Variants in NTM observed in about 807,000 individuals in gnomAD.
NTM encodes neurotrimin.
NTM carries 13 observed loss-of-function variants against 42.1 expected under a neutral mutation model. That is an observed-to-expected ratio of 0.31 (90% CI 0.20 to 0.49). The LOEUF is 0.49. Ranked by LOEUF, NTM falls within the 20% of genes least tolerant of loss-of-function variation. The pLI is 0.99. For synonymous variants in NTM, 187 were observed against 179.2 expected, an observed-to-expected ratio of 1.04 and a Z score of -0.35; for missense variants, 373 against 452.8, an observed-to-expected ratio of 0.82 and a Z score of 1.60.
intron 1 of NTM, among the ~76,000 whole-genome samples, chr11:131,677,743 C>G (rs117228005): frequency 6.6e-6 from 1 of 152,226 alleles, no homozygotes; most frequent in Non-Finnish European, 1.5e-5. Flanking sequence ...AGAGAGGTTA[C>G]GCCATTTGCT....
intron 2 of NTM, among the ~76,000 whole-genome samples, chr11:132,016,414 T>A (rs2073422802): frequency 6.6e-6 from 1 of 151,992 alleles, no homozygotes; most frequent in Non-Finnish European, 1.5e-5. Context: ...TTCTGGACAC[T>A]TATATAAATA....
intron 2 of NTM, among the ~76,000 whole-genome samples, chr11:132,038,900 A>G (rs2076834197): frequency 1.3e-5 from 2 of 152,106 alleles, no homozygotes; most frequent in Non-Finnish European, 2.9e-5. Flanking sequence ...CACCTCCACA[A>G]TGCTCTACTT....
At chr11:132,097,167 T>C (rs1024873782) in intron 2 of NTM, among the ~76,000 whole-genome samples, 3 of 152,224 alleles carry the variant, frequency 2.0e-5, no homozygotes, top group Non-Finnish European at 1.5e-5. Context: ...AAGACATATG[T>C]ACCCCTTCCT....
chr11:132,222,888 G>T (rs2085456803), intron 4 of NTM, among the ~76,000 whole-genome samples: 1 of 152,156 alleles, frequency 6.6e-6, no homozygotes, highest in Admixed American at 6.5e-5. Flanking sequence ...CTGATTTGCA[G>T]CCCGGGAGGC....
chr11:131,394,303 C>T (rs1944324900), intron 1 of NTM, among the ~76,000 whole-genome samples: 1 of 152,302 alleles, frequency 6.6e-6, no homozygotes, highest in Non-Finnish European at 1.5e-5. Flanking sequence ...ATAGGTAATG[C>T]CAAGACCCAG....
At chr11:132,054,429 C>G (rs955243401) in intron 2 of NTM, among the ~76,000 whole-genome samples, 1 of 152,178 alleles carries the variant, frequency 6.6e-6, no homozygotes, top group African/African-American at 2.4e-5. Flanking sequence ...ACTGGATGGG[C>G]ACAGTGGATT....
chr11:131,952,675 C>T (rs2134376374), intron 2 of NTM, among the ~76,000 whole-genome samples: 1 of 152,194 alleles, frequency 6.6e-6, no homozygotes, highest in East Asian at 1.9e-4. Context: ...GCATTTTTTT[C>T]AACTTAAAGA....
At chr11:132,163,487 G>A (rs149165840) in intron 3 of NTM, among the ~76,000 whole-genome samples, 21 of 152,348 alleles carry the variant, frequency 1.4e-4, no homozygotes, top group Middle Eastern at 3.4e-3. Flanking sequence ...TATGCACACT[G>A]TGTCATTTAA....
chr11:131,598,719 C>CTTTG, intron 1 of NTM, among the ~76,000 whole-genome samples: 1 of 89,704 alleles, frequency 1.1e-5, no homozygotes, highest in African/African-American at 4.0e-5. Flanking sequence ...TTCTTTCTTT[C>CTTTG]TTTCTTTCTT....
chr11:132,172,808 C>T (rs1043775519), intron 3 of NTM, among the ~76,000 whole-genome samples: 3 of 152,114 alleles, frequency 2.0e-5, no homozygotes, highest in African/African-American at 4.8e-5. Flanking sequence ...ATCATTTGTG[C>T]TGGAAAAAGC....
At chr11:131,991,301 G>A (rs1939379) in intron 2 of NTM, among the ~76,000 whole-genome samples, 35,142 of 152,046 alleles carry the variant, frequency 0.23, 4,268 homozygotes, top group Admixed American at 0.27. Flanking sequence ...GAGAACAGCA[G>A]TTCCACAATA....
chr11:132,069,612 A>G (rs35430240), intron 2 of NTM, among the ~76,000 whole-genome samples: 12,456 of 138,828 alleles, frequency 0.09, 39 homozygotes, highest in South Asian at 0.14. Flanking sequence ...AAGTTAACAC[A>G]TCACACTGAC....
chr11:132,108,771 G>T (rs1015169884), intron 2 of NTM, among the ~76,000 whole-genome samples: 6 of 152,020 alleles, frequency 3.9e-5, no homozygotes, highest in Non-Finnish European at 8.8e-5. Flanking sequence ...TTTTTACATA[G>T]GTATACATGT....
intron 1 of NTM, among the ~76,000 whole-genome samples, chr11:131,605,445 C>T (rs1178443835): frequency 2.0e-5 from 3 of 152,134 alleles, no homozygotes; most frequent in Admixed American, 6.5e-5. Flanking sequence ...AGTTCTAATA[C>T]TTTCTTAGTG....
At chr11:131,982,090 GA>G (rs896373356) in intron 2 of NTM, among the ~76,000 whole-genome samples, 15 of 150,212 alleles carry the variant, frequency 1.0e-4, no homozygotes, top group Non-Finnish European at 1.8e-4. Flanking sequence ...ACACTAAAAG[GA>G]AAAAAAAAGA....
At chr11:131,994,554 G>A (rs142784355) in intron 2 of NTM, among the ~76,000 whole-genome samples, 14 of 152,276 alleles carry the variant, frequency 9.2e-5, no homozygotes, top group African/African-American at 1.9e-4. Flanking sequence ...TAATGTGAGC[G>A]GGTGTGTTGG....
chr11:131,584,344 C>G (rs1218529418), intron 1 of NTM, among the ~76,000 whole-genome samples: 2 of 152,160 alleles, frequency 1.3e-5, no homozygotes, highest in African/African-American at 4.8e-5. Flanking sequence ...GCCTTTATAT[C>G]CCAGGATCGC....
intron 1 of NTM, among the ~76,000 whole-genome samples, chr11:131,565,728 A>G (rs2056813077): frequency 6.6e-6 from 1 of 152,208 alleles, no homozygotes; most frequent in Non-Finnish European, 1.5e-5. Context: ...GAAATCTGCA[A>G]AGGGCCCTGA....
chr11:131,968,010 A>G (rs1443172316), intron 2 of NTM, among the ~76,000 whole-genome samples: 2 of 152,224 alleles, frequency 1.3e-5, no homozygotes, highest in Non-Finnish European at 2.9e-5. Context: ...AACCGTATAT[A>G]GGAATCGGCT....
Sources: gnomAD v4.1 joint callset for allele counts (sites outside exome capture counted in the v4.1 genomes callset) on GRCh38, gnomAD v4.1.1 for gene constraint, MANE v1.5 for transcripts, NCBI Gene and HGNC (gene_info 2026-07-23, HGNC 2026-07-21) for gene names.